CAMTA1: variants seen among roughly 807,000 people sequenced by gnomAD.
CAMTA1 encodes calmodulin-binding transcription activator 1.
A neutral mutation model predicts 170.9 loss-of-function variants in CAMTA1; 27 were observed. The ratio of observed to expected loss-of-function variants is 0.16; its 90% CI spans 0.12 to 0.22. The LOEUF (loss-of-function observed/expected upper bound fraction) is 0.22. CAMTA1 is among the 10% of genes least tolerant of loss of function. CAMTA1 has a pLI of 1.00. For missense variants in CAMTA1, 1,619 were observed against 2,217.2 expected (o/e 0.73, Z 5.42); for synonymous variants, 833 against 891.5 (o/e 0.93, Z 1.17).
At chr1:7,620,183 A>G (rs961145027) in intron 6 of CAMTA1, among the ~76,000 whole-genome samples, 1 of 152,178 alleles carries the variant, frequency 6.6e-6, no homozygotes, top group African/African-American at 2.4e-5. Context: ...GTGATTCTCA[A>G]ACAGGGGTGA....
At chr1:7,722,439 G>C (rs2096655754) in intron 11 of CAMTA1, among the ~76,000 whole-genome samples, 1 of 150,864 alleles carries the variant, frequency 6.6e-6, no homozygotes, top group African/African-American at 2.4e-5. Flanking sequence ...AAGGGAATCT[G>C]AAGCCCCAAC....
intron 6 of CAMTA1, among the ~76,000 whole-genome samples, chr1:7,506,464 TACTA>T (rs1444051531): frequency 6.6e-6 from 1 of 150,834 alleles, no homozygotes; most frequent in Non-Finnish European, 1.5e-5. Flanking sequence ...CACACTCTCA[TACTA>T]ACACTCAAAA....
chr1:7,114,447 G>A (rs1441373056), intron 4 of CAMTA1, among the ~76,000 whole-genome samples: 19 of 137,246 alleles, frequency 1.4e-4, no homozygotes, highest in Admixed American at 2.9e-4. Flanking sequence ...TGATAAGCCA[G>A]AAAAAACAAA....
At chr1:6,881,538 G>GA (rs1378880527) in intron 3 of CAMTA1, among the ~76,000 whole-genome samples, 1 of 152,200 alleles carries the variant, frequency 6.6e-6, no homozygotes, top group Non-Finnish European at 1.5e-5. Flanking sequence ...CAGAGCGTGG[G>GA]AAGGGGCACG....
chr1:7,216,140 G>A lies in CAMTA1; in HGVS notation c.303-33351G>A, dbSNP rs1335943535. ...GAAGCCCGCGTGTCCTGCGTGGCTG[G>A]AGCAGGAGGAAGAGGGTGAAGGGGG... On this transcript the variant is annotated intron_variant, in intron 4 of 22. Transcript: ENST00000303635. The surrounding 1 kb of genome is among the most constrained non-coding windows in gnomAD (Gnocchi z 4.0). 6.6e-6 allele frequency among the ~76,000 whole-genome samples: 1 copy of A among 152,168 alleles called. No homozygotes were observed. Among genetic ancestry groups the A allele is most frequent in the South Asian group, 2.1e-4 (1 of 4,824 alleles).
At chr1:6,917,167 G>A (rs1233745459) in intron 3 of CAMTA1, among the ~76,000 whole-genome samples, 1 of 152,010 alleles carries the variant, frequency 6.6e-6, no homozygotes, top group Non-Finnish European at 1.5e-5. Context: ...AGTGGAGGAA[G>A]CCAGAGGGTT....
intron 3 of CAMTA1, among the ~76,000 whole-genome samples, chr1:6,829,638 T>G (rs1570580997): frequency 6.6e-6 from 1 of 152,318 alleles, no homozygotes; most frequent in South Asian, 2.1e-4. Context: ...TGAGATAGAT[T>G]ATTTGACTAT....
At chr1:7,271,411 G>A (rs866329819) in intron 5 of CAMTA1, among the ~76,000 whole-genome samples, 12 of 152,212 alleles carry the variant, frequency 7.9e-5, no homozygotes, top group South Asian at 2.1e-4. Context: ...ATGTTATAGC[G>A]TCCTGAGCAG....
In CAMTA1 at chr1:7,463,037, G is replaced by T. The variant is rs1159157972; in HGVS notation, c.439-4793G>T. Among the ~76,000 whole-genome samples, 1 of 152,238 alleles carries T rather than the reference G, an allele frequency of 6.6e-6. No homozygotes were observed. Among genetic ancestry groups the T allele is most frequent in the Non-Finnish European group, 1.5e-5 (1 of 68,048 alleles). On this transcript the variant is annotated intron_variant, in intron 5 of 22. Coordinates refer to ENST00000303635, the MANE Select transcript of CAMTA1 (RefSeq NM_015215.4). The surrounding 1 kb of genome is among the most constrained non-coding windows in gnomAD (Gnocchi z 4.7). ...TCTTCGGAGGCAGCACAGGGAGGTT[G>T]TCCTGGTGAATGGCACTGTGTGCGG...
At chr1:7,481,514 A>G (rs528201924) in intron 6 of CAMTA1, among the ~76,000 whole-genome samples, 4 of 152,238 alleles carry the variant, frequency 2.6e-5, no homozygotes, top group East Asian at 3.9e-4. Context: ...TTGACACTCC[A>G]TCTACTGTTC....
intron 11 of CAMTA1, among the ~76,000 whole-genome samples, chr1:7,678,750 G>T (rs2096151631): frequency 6.6e-6 from 1 of 152,184 alleles, no homozygotes; most frequent in Non-Finnish European, 1.5e-5. Context: ...CCAGGATGTT[G>T]AGGTCTGGGC....
intron 4 of CAMTA1, among the ~76,000 whole-genome samples, chr1:7,155,385 G>T (rs1209519007): frequency 1.1e-5 from 1 of 91,398 alleles, no homozygotes; most frequent in Non-Finnish European, 2.4e-5. Flanking sequence ...TGAGGGCACC[G>T]TTGGGGGGGG....
At chr1:7,759,160 G>GAA (rs2096956033) in intron 22 of CAMTA1, among the ~76,000 whole-genome samples, 1 of 151,838 alleles carries the variant, frequency 6.6e-6, no homozygotes, top group African/African-American at 2.4e-5. Flanking sequence ...GAAAAGAAAA[G>GAA]AAAAGAAAAG....
At chr1:7,720,196 C>T (rs2096640318) in intron 11 of CAMTA1, among the ~76,000 whole-genome samples, 1 of 152,190 alleles carries the variant, frequency 6.6e-6, no homozygotes, top group Non-Finnish European at 1.5e-5. Context: ...TTTTGTTTAA[C>T]CCGATCGAAA....
intron 6 of CAMTA1, 50 bp downstream of exon 6, chr1:7,467,951 G>T (rs750799866): frequency 6.6e-7 from 1 of 1,505,410 alleles, no homozygotes; most frequent in East Asian, 2.3e-5. Flanking sequence ...CTCGGGAAGG[G>T]TCTGTGGAGG....
At chr1:7,523,891 A>AAAT (rs1239567909) in intron 6 of CAMTA1, among the ~76,000 whole-genome samples, 2 of 130,838 alleles carry the variant, frequency 1.5e-5, no homozygotes, top group Non-Finnish European at 3.2e-5. Context: ...TCGAAAAAAA[A>AAAT]AATAATAATA....
At chr1:7,100,416 G>A (rs1000331981) in intron 4 of CAMTA1, among the ~76,000 whole-genome samples, 3 of 152,140 alleles carry the variant, frequency 2.0e-5, no homozygotes, top group African/African-American at 7.2e-5. Context: ...CGTGCCGAGT[G>A]GGACCCACTC....
chr1:7,335,769 C>T (rs970305737), intron 5 of CAMTA1, among the ~76,000 whole-genome samples: 3 of 96,974 alleles, frequency 3.1e-5, no homozygotes, highest in East Asian at 2.7e-4. Context: ...TTATAGATAA[C>T]GTTAAAAAAA....
In CAMTA1 at chr1:6,926,438, C is replaced by CTCTTTCTTTCTTTCTT. The variant is rs70984040; in HGVS notation, c.234+101264_234+101279dup. Among the ~76,000 whole-genome samples, 701 of 126,182 alleles carry CTCTTTCTTTCTTTCTT rather than the reference C, an allele frequency of 5.6e-3. 5 individuals carry two copies. The highest frequency in any genetic ancestry group is 0.028 in the Middle Eastern group (7 of 250). The allele number at this position is 126,182 out of a possible 152,430, so 82.8% of individuals were successfully genotyped here. A position where few individuals can be genotyped will look rare whatever the true frequency, so the allele number is the denominator to read the frequency against. On this transcript the variant is annotated intron_variant, in intron 3 of 22. Transcript: ENST00000303635. The stretch of plus-strand genomic sequence containing the variant: ...CTTTTCTTTTCTCTTTCTTTCTTTT[C>CTCTTTCTTTCTTTCTT]TCTTTCTTTCTTTCTTTCTTTCTTT...
Sources: gnomAD v4.1 joint callset for allele counts (sites outside exome capture counted in the v4.1 genomes callset) on GRCh38, gnomAD v4.1.1 for gene constraint, Gnocchi (gnomAD v3.1) non-coding constraint, MANE v1.5 for transcripts, NCBI Gene and HGNC (gene_info 2026-07-23, HGNC 2026-07-21) for gene names.